The following SYK variants were observed in gnomAD, a reference collection of about 807,000 sequenced individuals.
SYK encodes the protein tyrosine-protein kinase SYK.
A neutral mutation model predicts 77.8 loss-of-function variants in SYK; 16 were observed. The ratio of observed to expected loss-of-function variants is 0.21; its 90% confidence interval spans 0.14 to 0.31. The LOEUF (loss-of-function observed/expected upper bound fraction) is 0.31, where lower values mean the gene tolerates loss of function less well. Among genes scored for constraint, SYK ranks in the 10% least tolerant of loss-of-function variants. The pLI, the probability that SYK is intolerant of heterozygous loss-of-function variation, is 1.00. For synonymous variants in SYK, 312 were observed against 308.7 expected, an observed-to-expected ratio of 1.01 and a Z score of -0.11; for missense variants, 529 against 814.4, an observed-to-expected ratio of 0.65 and a Z score of 4.26.
At chr9:90,894,852 C>T (rs921364394) in intron 13 of SYK, among the ~76,000 whole-genome samples, 19 of 152,202 alleles carry the variant, frequency 1.2e-4, no homozygotes, top group Non-Finnish European at 1.5e-5. Flanking sequence ...ACTGTTAATG[C>T]TTTTGCCCAT....
chr9:90,880,954 C>G (rs939792181), intron 11 of SYK, among the ~76,000 whole-genome samples: 1 of 152,220 alleles, frequency 6.6e-6, no homozygotes, highest in African/African-American at 2.4e-5. Context: ...GCCCATGCTT[C>G]CCTTGGGCAG....
At position 90,896,945 on chromosome 9, in the gene SYK, T is replaced by G. The variant is rs1374951899; in HGVS notation, c.*1345T>G. The G allele has an allele frequency of 1.5e-5, 3 of 197,384 alleles. No individual in the cohort carries two copies. Among genetic ancestry groups the G allele is most frequent in the Non-Finnish European group, 3.1e-5 (3 of 95,450 alleles). The allele number at this position is 197,384 out of a possible 1,614,324, so 12.2% of individuals were successfully genotyped here. ...GGGAGGCTGAGGCAGGAGAATCGCT[T>G]GAACCCAGGAAACGGAGGTCGCAGT... is the stretch of plus-strand genomic sequence containing the variant. On this transcript the variant is annotated 3_prime_UTR_variant, in exon 14 of 14. Coordinates refer to ENST00000375754, the MANE Select transcript of SYK (RefSeq NM_003177.7).
Position 90,896,663 on chromosome 9 carries a change from C to T in SYK, c.*1063C>T, listed in dbSNP as rs200418572. 4.5e-4 allele frequency: 104 copies of T among 232,492 alleles called. No homozygotes were observed. The highest frequency in any genetic ancestry group is 1.3e-3 in the Middle Eastern group (1 of 778). 14.4% of individuals were successfully genotyped at this position (232,492 alleles called of 1,614,324 possible). Reference sequence around the variant, plus strand: ...TGAATTTGAGTTGAAGATACAAGATCGGAGAATGATTTTCTGGTCTTAACT... The same window carrying T: ...TGAATTTGAGTTGAAGATACAAGATTGGAGAATGATTTTCTGGTCTTAACT... On this transcript the variant is annotated 3_prime_UTR_variant, in exon 14 of 14. Coordinates refer to ENST00000375754, the MANE Select transcript of SYK (RefSeq NM_003177.7).
intron 1 of SYK, among the ~76,000 whole-genome samples, chr9:90,831,741 T>C (rs910451956): frequency 1.3e-5 from 2 of 152,228 alleles, no homozygotes; most frequent in African/African-American, 4.8e-5. Context: ...AACACATACG[T>C]TGAGGTCGCA....
chr9:90,863,257 G>A (rs1248935006), intron 4 of SYK, among the ~76,000 whole-genome samples: 1 of 152,126 alleles, frequency 6.6e-6, no homozygotes, highest in African/African-American at 2.4e-5. Flanking sequence ...AAAGCCAACC[G>A]ACTCTGCCAC....
At chr9:90,859,715 G>A (rs1458140021) in intron 3 of SYK, among the ~76,000 whole-genome samples, 4 of 152,152 alleles carry the variant, frequency 2.6e-5, no homozygotes, top group Admixed American at 1.3e-4. Context: ...CACAAGCAAC[G>A]TAGGAGGGGC....
rs560007655 is a variant in SYK, at chr9:90,889,214, A to C, written c.1835+587A>C. ...CTGGCATTATTCTTAGGTGATGTTC[A>C]GGGCAGCTCAGCAAGGAAGGAAAAT... On this transcript the variant is annotated intron_variant, in intron 13 of 13. Transcript: ENST00000375754. 6.2e-4 allele frequency among the ~76,000 whole-genome samples: 95 copies of C among 152,386 alleles called. 2 individuals carry two copies. The South Asian group carries it at 0.019, about 31-fold the overall frequency.
At chr9:90,854,579 G>C (rs1826949507) in intron 3 of SYK, among the ~76,000 whole-genome samples, 1 of 152,190 alleles carries the variant, frequency 6.6e-6, no homozygotes, top group South Asian at 2.1e-4. Flanking sequence ...TTCCATGATA[G>C]CTCTTTAATA....
chr9:90,843,879 T>C lies in SYK; in HGVS notation c.-20T>C. 4 of 1,494,874 alleles carry C rather than the reference T, an allele frequency of 2.7e-6. No homozygotes were observed. The highest frequency in any genetic ancestry group is 3.6e-6 in the Non-Finnish European group (4 of 1,122,196). 92.6% of individuals were successfully genotyped at this position (1,494,874 alleles called of 1,614,324 possible). A position where few individuals can be genotyped will look rare whatever the true frequency, so the allele number is the denominator to read the frequency against. On this transcript the variant is annotated 5_prime_UTR_variant, in exon 2 of 14. Coordinates refer to ENST00000375754, the MANE Select transcript of SYK (RefSeq NM_003177.7). ...CCAGGTGGACACCTGCGCAGGTGTG[T>C]GCCCTCCGGCCCCTGAAGCATGGCC... is the stretch of plus-strand genomic sequence containing the variant.
intron 4 of SYK, among the ~76,000 whole-genome samples, chr9:90,864,188 C>T (rs914499469): frequency 6.6e-6 from 1 of 152,202 alleles, no homozygotes; most frequent in Non-Finnish European, 1.5e-5. Flanking sequence ...ATATTCTTTA[C>T]TGTAGACCAG....
Position 90,864,655 on chromosome 9 carries a change from A to C in SYK, c.784A>C (p.Ile262Leu), listed in dbSNP as rs112619650. 1.3e-3 allele frequency: 2,112 copies of C among 1,614,124 alleles called. 25 individuals are homozygous for C. The African/African-American group carries it at 0.021, about 16-fold the overall frequency. The change falls in exon 5 of 14, where the codon ATC becomes CTC. Residue 262 changes from isoleucine (I) to leucine (L), a missense_variant. Ile to Leu is a conservative substitution (Grantham distance 5, BLOSUM62 2). Coordinates refer to ENST00000375754, the MANE Select transcript of SYK (RefSeq NM_003177.7). Reference sequence around the variant, plus strand: ...AGTTCTTACTGTCCCATGTCAAAAAATCGGCACACAGGGTGAGTTCCCAAG... The same window carrying C: ...AGTTCTTACTGTCCCATGTCAAAAACTCGGCACACAGGGTGAGTTCCCAAG... ...LRVLTVPCQKIGTQGNVNFGG... is the reference protein window; with the variant it reads ...LRVLTVPCQKLGTQGNVNFGG...
chr9:90,890,589 G>A (rs1268920126), intron 13 of SYK, among the ~76,000 whole-genome samples: 1 of 152,252 alleles, frequency 6.6e-6, no homozygotes, highest in Non-Finnish European at 1.5e-5. Context: ...ATTTCAGTGA[G>A]TTCTGCAGGC....
At chr9:90,807,824 C>T (rs1216473244) in intron 1 of SYK, among the ~76,000 whole-genome samples, 1 of 152,242 alleles carries the variant, frequency 6.6e-6, no homozygotes, top group Non-Finnish European at 1.5e-5. Flanking sequence ...AGTCCCAGCC[C>T]TGCCCCCAGT....
chr9:90,820,320 C>A (rs895177600), intron 1 of SYK, among the ~76,000 whole-genome samples: 1 of 152,210 alleles, frequency 6.6e-6, no homozygotes, highest in Non-Finnish European at 1.5e-5. Context: ...GAGCTGTGAC[C>A]CCACATTTCC....
intron 11 of SYK, among the ~76,000 whole-genome samples, chr9:90,879,410 C>G (rs1367699960): frequency 1.3e-5 from 2 of 152,220 alleles, no homozygotes; most frequent in African/African-American, 4.8e-5. Context: ...TAGGACATTT[C>G]ATAACATGTG....
chr9:90,829,236 T>C (rs1189568888), intron 1 of SYK, among the ~76,000 whole-genome samples: 1 of 149,444 alleles, frequency 6.7e-6, no homozygotes, highest in East Asian at 2.0e-4. Flanking sequence ...TTGCAGTGAG[T>C]GGAGATCGTG....
intron 1 of SYK, among the ~76,000 whole-genome samples, chr9:90,813,476 G>A (rs1455858070): frequency 6.6e-6 from 1 of 152,206 alleles, no homozygotes; most frequent in African/African-American, 2.4e-5. Context: ...TCTGGGGGCA[G>A]AGTGGTTGTC....
rs766412303 is a variant in SYK, at chr9:90,843,996, G to A, written c.98G>A (p.Gly33Asp). The A allele has an allele frequency of 6.2e-7, 1 of 1,610,308 alleles. No individual in the cohort carries two copies. Among genetic ancestry groups the A allele is most frequent in the Non-Finnish European group, 8.5e-7 (1 of 1,178,158 alleles). ...GCAGAAGATTACCTGGTCCAGGGGG[G>A]CATGAGTGATGGGCTTTATTTGCTG... ...EEAEDYLVQG[G>D]MSDGLYLLRQ... is the part of the protein sequence containing the mutation. Residue 33 changes from glycine (G) to aspartate (D), a missense_variant, in exon 2 of 14, where the codon GGC becomes GAC. By Grantham distance (94) the Gly-to-Asp change is moderately conservative. Coordinates refer to ENST00000375754, the MANE Select transcript of SYK (RefSeq NM_003177.7).
At chr9:90,855,855 G>A (rs1199595864) in intron 3 of SYK, among the ~76,000 whole-genome samples, 1 of 152,160 alleles carries the variant, frequency 6.6e-6, no homozygotes, top group African/African-American at 2.4e-5. Context: ...CTCAAATGAT[G>A]CTGATGCTGC....
Sources: gnomAD v4.1 joint callset for allele counts (sites outside exome capture counted in the v4.1 genomes callset) on GRCh38, gnomAD v4.1.1 for gene constraint, MANE v1.5 for transcripts, NCBI Gene and HGNC (gene_info 2026-07-23, HGNC 2026-07-21) for gene names.